Variants in BICC1 observed in about 807,000 individuals in gnomAD.
BICC1 encodes the protein BicC family RNA binding protein 1.
A neutral mutation model predicts 111.0 loss-of-function variants in BICC1; 43 were observed. The ratio of observed to expected loss-of-function variants is 0.39; its 90% CI spans 0.30 to 0.50. The LOEUF (loss-of-function observed/expected upper bound fraction) is 0.50, where lower values mean the gene tolerates loss of function less well. BICC1 is among the 20% of genes least tolerant of loss of function. The probability of loss-of-function intolerance (pLI) is 0.88; values close to 1 mark genes in which losing one functional copy is unlikely to be tolerated. For missense variants in BICC1, 1,091 were observed against 1,203.2 expected (o/e 0.91, Z 1.38); for synonymous variants, 467 against 434.4 (o/e 1.07, Z -0.93).
chr10:58,694,246 G>T (rs190105157), intron 2 of BICC1, among the ~76,000 whole-genome samples: 2 of 151,942 alleles, frequency 1.3e-5, no homozygotes, highest in African/African-American at 4.8e-5. Flanking sequence ...ACCCATTTTT[G>T]TAAAATGCCA....
At chr10:58,720,557 G>A (rs891401710) in intron 3 of BICC1, among the ~76,000 whole-genome samples, 6 of 144,360 alleles carry the variant, frequency 4.2e-5, no homozygotes, top group African/African-American at 1.5e-4. Flanking sequence ...TCAAAGGGCT[G>A]GGGCATTCTG....
At chr10:58,805,379 G>A (rs1420652780) in intron 15 of BICC1, among the ~76,000 whole-genome samples, 1 of 152,016 alleles carries the variant, frequency 6.6e-6, no homozygotes. Context: ...CTTCCACAAA[G>A]CTGAGCATAG....
intron 15 of BICC1, among the ~76,000 whole-genome samples, chr10:58,806,346 T>C (rs1160451722): frequency 6.6e-6 from 1 of 152,170 alleles, no homozygotes; most frequent in African/African-American, 2.4e-5. Flanking sequence ...AAATTCTAAC[T>C]CTTAAAGTCA....
chr10:58,594,075 G>A (rs898565265), intron 1 of BICC1, among the ~76,000 whole-genome samples: 2 of 151,716 alleles, frequency 1.3e-5, no homozygotes, highest in Admixed American at 1.3e-4. Context: ...ACTTCATGAA[G>A]CATACACAAG....
intron 3 of BICC1, among the ~76,000 whole-genome samples, chr10:58,730,869 A>G (rs377579016): frequency 6.6e-5 from 10 of 152,098 alleles, no homozygotes; most frequent in African/African-American, 2.4e-4. Context: ...GGCCCAGGAA[A>G]CCATTCAGCC....
intron 1 of BICC1, among the ~76,000 whole-genome samples, chr10:58,524,426 C>A (rs913771602): frequency 6.6e-6 from 1 of 151,880 alleles, no homozygotes; most frequent in Admixed American, 6.6e-5. Context: ...CTTTGACAAA[C>A]CTGAGAAAAA....
intron 1 of BICC1, among the ~76,000 whole-genome samples, chr10:58,572,411 G>GT (rs1411564322): frequency 6.6e-6 from 1 of 152,002 alleles, no homozygotes; most frequent in African/African-American, 2.4e-5. Context: ...GTCCTGAATG[G>GT]TATTGCCTTA....
chr10:58,670,274 A>G (rs570041617), intron 2 of BICC1, among the ~76,000 whole-genome samples: 17 of 152,294 alleles, frequency 1.1e-4, no homozygotes, highest in African/African-American at 3.4e-4. Flanking sequence ...ACTAGTGTCA[A>G]TATTTCTTAC....
chr10:58,705,835 A>C (rs1416454987), intron 3 of BICC1, among the ~76,000 whole-genome samples: 1 of 152,198 alleles, frequency 6.6e-6, no homozygotes, highest in East Asian at 1.9e-4. Flanking sequence ...TAATTTTTCA[A>C]GGCCTTGCCC....
intron 3 of BICC1, among the ~76,000 whole-genome samples, chr10:58,774,796 A>G (rs1842706539): frequency 6.6e-6 from 1 of 152,148 alleles, no homozygotes; most frequent in Non-Finnish European, 1.5e-5. Flanking sequence ...TTAAAAAGTG[A>G]TTAGTAAGGT....
chr10:58,817,432 T>C, intron 18 of BICC1, 130 bp from the exon 19 acceptor site: 1 of 975,764 alleles, frequency 1.0e-6, no homozygotes, highest in Non-Finnish European at 1.6e-6. Context: ...AGGATTGCTG[T>C]ATTTCTACAG....
At chr10:58,767,387 A>G (rs767418505) in intron 3 of BICC1, among the ~76,000 whole-genome samples, 1 of 152,172 alleles carries the variant, frequency 6.6e-6, no homozygotes, top group Non-Finnish European at 1.5e-5. Flanking sequence ...CATAGAAAAT[A>G]TCGAGAGTGC....
At chr10:58,513,469 G>T in intron 1 of BICC1, 136 bp downstream of exon 1, 1 of 825,212 alleles carries the variant, frequency 1.2e-6, no homozygotes, top group Non-Finnish European at 1.8e-6. Context: ...CCCCCGCGGA[G>T]CCGGAGGACA....
At chr10:58,685,089 C>A (rs1301523003) in intron 2 of BICC1, among the ~76,000 whole-genome samples, 1 of 152,184 alleles carries the variant, frequency 6.6e-6, no homozygotes, top group Non-Finnish European at 1.5e-5. Flanking sequence ...TCATTGGTTT[C>A]AAAGAACATC....
In BICC1 at chr10:58,823,733, C is replaced by G. The variant is rs954160053; in HGVS notation, c.2794+3265C>G. On this transcript the variant is annotated intron_variant, in intron 20 of 20. Coordinates refer to ENST00000373886, the MANE Select transcript of BICC1 (RefSeq NM_001080512.3). ...CTTCCTGAATTGTATGTTATTCCCC[C>G]GTGAGAAAATGGAGGCCGAAGATAG... is the stretch of plus-strand genomic sequence containing the variant. 5 of 985,044 alleles carry G rather than the reference C, an allele frequency of 5.1e-6. No individual in the cohort carries two copies. The African/African-American group carries it at 8.7e-5, about 17-fold the overall frequency. The allele number at this position is 985,044 out of a possible 1,614,324, so 61.0% of individuals were successfully genotyped here.
chr10:58,774,141 T>A (rs541235274), intron 3 of BICC1, among the ~76,000 whole-genome samples: 1 of 152,220 alleles, frequency 6.6e-6, no homozygotes, highest in Non-Finnish European at 1.5e-5. Context: ...CATTACGTAT[T>A]CCTGCTCCAG....
intron 20 of BICC1, among the ~76,000 whole-genome samples, chr10:58,824,807 T>C (rs1844349566): frequency 6.6e-6 from 1 of 152,154 alleles, no homozygotes; most frequent in Admixed American, 6.6e-5. Context: ...TTTGAGGGTA[T>C]TTGCATTTGT....
intron 1 of BICC1, among the ~76,000 whole-genome samples, chr10:58,589,736 A>G (rs886670378): frequency 2.0e-5 from 3 of 152,078 alleles, no homozygotes; most frequent in African/African-American, 2.4e-5. Flanking sequence ...TCGGCTCCCA[A>G]AACAATAGGA....
intron 1 of BICC1, among the ~76,000 whole-genome samples, chr10:58,569,942 T>G (rs1263930602): frequency 2.6e-5 from 4 of 152,164 alleles, no homozygotes; most frequent in Non-Finnish European, 5.9e-5. Flanking sequence ...GTATTTCTGG[T>G]TCTAGATCCT....
Sources: gnomAD v4.1 joint callset for allele counts (sites outside exome capture counted in the v4.1 genomes callset) on GRCh38, gnomAD v4.1.1 for gene constraint, MANE v1.5 for transcripts, NCBI Gene and HGNC (gene_info 2026-07-23, HGNC 2026-07-21) for gene names.